BIN3: variants seen among roughly 807,000 people sequenced by gnomAD.
BIN3 encodes bridging integrator 3.
A neutral mutation model predicts 38.2 loss-of-function variants in BIN3; 41 were observed. The ratio of observed to expected loss-of-function variants is 1.07; its 90% CI spans 0.84 to 1.39. The LOEUF (loss-of-function observed/expected upper bound fraction) is 1.39, where lower values mean the gene tolerates loss of function less well. Among genes scored for constraint, BIN3 ranks in the 40% most tolerant of loss-of-function variants. The probability of loss-of-function intolerance (pLI) is 0.00; values close to 1 mark genes in which losing one functional copy is unlikely to be tolerated. For synonymous variants in BIN3, 145 were observed against 122.6 expected, an observed-to-expected ratio of 1.18 and a Z score of -1.21; for missense variants, 361 against 324.3, an observed-to-expected ratio of 1.11 and a Z score of -0.87.
At chr8:22,645,355 G>A (rs1227598962) in intron 1 of BIN3, among the ~76,000 whole-genome samples, 1 of 151,990 alleles carries the variant, frequency 6.6e-6, no homozygotes, top group Non-Finnish European at 1.5e-5. Context: ...GGTGGCACAT[G>A]CCTGTAGTCC....
intron 1 of BIN3, among the ~76,000 whole-genome samples, chr8:22,652,684 A>G (rs1343446652): frequency 6.6e-6 from 1 of 152,254 alleles, no homozygotes; most frequent in Non-Finnish European, 1.5e-5. Flanking sequence ...GAAAATTACA[A>G]ATATACAAAT....
At chr8:22,661,830 G>A (rs1803246717) in intron 1 of BIN3, among the ~76,000 whole-genome samples, 1 of 150,408 alleles carries the variant, frequency 6.6e-6, no homozygotes, top group Admixed American at 6.6e-5. Context: ...TCACTTTGTT[G>A]CCCAGGCTGG....
intron 1 of BIN3, among the ~76,000 whole-genome samples, chr8:22,666,400 G>A (rs1383952865): frequency 1.4e-5 from 2 of 139,982 alleles, no homozygotes; most frequent in Non-Finnish European, 3.1e-5. Flanking sequence ...AATGGCGGGG[G>A]GAGGTGGGGT....
At chr8:22,640,060 C>T (rs554149217) in intron 2 of BIN3, among the ~76,000 whole-genome samples, 2 of 151,892 alleles carry the variant, frequency 1.3e-5, no homozygotes, top group Non-Finnish European at 2.9e-5. Context: ...CAGGGTTTCT[C>T]CATGTTGGTC....
Position 22,630,559 on chromosome 8 carries a change from C to A in BIN3, c.180G>T (p.Val60=). The change falls in exon 5 of 9, where the codon GTG becomes GTT. Residue 60 remains valine (V), a synonymous_variant. Transcript: ENST00000276416. The part of the protein sequence containing the change: ...DADLAMSKSA[V]KISLDLLSNP... ...TGGAGAGTAAGTCCAAGGATATCTTCACGGCAGATTTTGACATGGCTGTGG... is the reference window on the plus strand; with the variant it reads ...TGGAGAGTAAGTCCAAGGATATCTTAACGGCAGATTTTGACATGGCTGTGG... 9 of 1,613,948 alleles carry A rather than the reference C, an allele frequency of 5.6e-6. No homozygotes were observed. The highest frequency in any genetic ancestry group is 7.6e-6 in the Non-Finnish European group (9 of 1,179,852).
At chr8:22,622,989 G>A (rs1050963423) in intron 8 of BIN3, among the ~76,000 whole-genome samples, 3 of 152,222 alleles carry the variant, frequency 2.0e-5, no homozygotes, top group African/African-American at 7.2e-5. Context: ...CCGGCAGGGT[G>A]GGTGTGCACT....
intron 1 of BIN3, among the ~76,000 whole-genome samples, chr8:22,649,767 T>C (rs1344261387): frequency 1.4e-5 from 2 of 147,122 alleles, no homozygotes; most frequent in African/African-American, 5.0e-5. Flanking sequence ...AAATAGCACC[T>C]GATCAGTGTT....
chr8:22,630,664 G>A, intron 4 of BIN3, 86 bp from the exon 5 acceptor site: 2 of 1,500,650 alleles, frequency 1.3e-6, no homozygotes, highest in Non-Finnish European at 1.8e-6. Flanking sequence ...CCTATGCCAG[G>A]GGCCTGCACC....
At chr8:22,652,842 T>G (rs1802946444) in intron 1 of BIN3, among the ~76,000 whole-genome samples, 2 of 152,210 alleles carry the variant, frequency 1.3e-5, no homozygotes, top group African/African-American at 4.8e-5. Flanking sequence ...TCCCTACATT[T>G]TTGGGCTGCT....
intron 1 of BIN3, among the ~76,000 whole-genome samples, chr8:22,649,289 C>T (rs1395971112): frequency 4.6e-5 from 7 of 152,226 alleles, no homozygotes; most frequent in Non-Finnish European, 8.8e-5. Flanking sequence ...AGGAAAACTT[C>T]TCACCTTCTT....
chr8:22,634,851 C>T (rs140795619), intron 4 of BIN3, among the ~76,000 whole-genome samples: 1 of 152,256 alleles, frequency 6.6e-6, no homozygotes, highest in African/African-American at 2.4e-5. Context: ...AGACAAGGCC[C>T]TGGACTTGGA....
chr8:22,633,703 G>A (rs1802280074), intron 4 of BIN3, among the ~76,000 whole-genome samples: 1 of 152,222 alleles, frequency 6.6e-6, no homozygotes, highest in Admixed American at 6.5e-5. Flanking sequence ...GTGGGCCTCA[G>A]CATCACCTGG....
chr8:22,636,888 C>A (rs754317270), intron 3 of BIN3, 34 bp downstream of exon 3: 2 of 1,605,238 alleles, frequency 1.2e-6, no homozygotes, highest in East Asian at 2.2e-5. Flanking sequence ...TCCCTCCCTG[C>A]CTCCCACCTC....
chr8:22,663,805 G>A (rs181874775), intron 1 of BIN3, among the ~76,000 whole-genome samples: 161 of 152,222 alleles, frequency 1.1e-3, no homozygotes, highest in Non-Finnish European at 1.6e-3. Flanking sequence ...TTCTTACCTG[G>A]ATCCTTCTCT....
intron 1 of BIN3, among the ~76,000 whole-genome samples, chr8:22,647,942 C>T (rs1428203185): frequency 3.3e-5 from 5 of 150,948 alleles, no homozygotes; most frequent in African/African-American, 9.7e-5. Flanking sequence ...CTGGCTAACA[C>T]GGTGAAACGC....
chr8:22,637,182 C>A (rs1585187080), intron 2 of BIN3, among the ~76,000 whole-genome samples: 2 of 152,186 alleles, frequency 1.3e-5, no homozygotes, highest in Non-Finnish European at 2.9e-5. Flanking sequence ...CCCAGAGGGT[C>A]CAGCCAGGCA....
chr8:22,636,081 C>T lies in BIN3; in HGVS notation c.160+444G>A, dbSNP rs77912634. Among the ~76,000 whole-genome samples, 1,355 of 152,308 alleles carry T rather than the reference C, an allele frequency of 8.9e-3. 15 individuals carry two copies. The highest frequency in any genetic ancestry group is 0.031 in the African/African-American group (1,288 of 41,548). ...ATTATCTGGGGTATTTCTGGCCTTA[C>T]ACTTTAACCCAACCTCCTGTTTAAA... On this transcript the variant is annotated intron_variant, in intron 4 of 8. Coordinates refer to ENST00000276416, the MANE Select transcript of BIN3 (RefSeq NM_018688.6).
chr8:22,629,728 G>A (rs1462927840), intron 6 of BIN3: 2 of 576,116 alleles, frequency 3.5e-6, no homozygotes, highest in Non-Finnish European at 6.2e-6. Context: ...GGTGGGGTGG[G>A]AAGGGGGTGG....
In BIN3 at chr8:22,630,520, C is replaced by T. The variant is rs757114130; in HGVS notation, c.219G>A (p.Glu73=). Residue 73 remains glutamate, a synonymous_variant, in exon 5 of 9, where the codon GAG becomes GAA. Transcript: ENST00000276416. ...SLDLLSNPLC[E]QDQDLLNMVT... is the part of the protein sequence containing the mutation. The stretch of plus-strand genomic sequence containing the variant: ...CCATGTTCAGAAGGTCCTGGTCTTG[C>T]TCACAGAGGGGATTGGAGAGTAAGT... 3.1e-6 allele frequency: 5 copies of T among 1,614,044 alleles called. No individual in the cohort carries two copies. Among genetic ancestry groups the T allele is most frequent in the Non-Finnish European group, 1.7e-6 (2 of 1,179,892 alleles).
Sources: allele counts gnomAD v4.1 joint callset (sites outside exome capture counted in the v4.1 genomes callset), GRCh38; gene constraint gnomAD v4.1.1; transcripts MANE v1.5; gene names NCBI Gene and HGNC (gene_info 2026-07-23, HGNC 2026-07-21).